Variants in KALRN observed in about 807,000 individuals in gnomAD.
The protein encoded by KALRN is kalirin RhoGEF kinase, also known as kalirin.
A neutral mutation model predicts 353.7 loss-of-function variants in KALRN; 70 were observed. The ratio of observed to expected loss-of-function variants is 0.20; its 90% CI spans 0.16 to 0.24. KALRN has a LOEUF of 0.24. KALRN is among the 10% of genes least tolerant of loss of function. The pLI, the probability that KALRN is intolerant of heterozygous loss-of-function variation, is 1.00. For missense variants in KALRN, 2,791 were observed against 3,756.7 expected (o/e 0.74, Z 6.72); for synonymous variants, 1,391 against 1,434.8 (o/e 0.97, Z 0.69).
intron 1 of KALRN, among the ~76,000 whole-genome samples, chr3:124,181,462 G>A (rs2073587773): frequency 6.6e-6 from 1 of 152,152 alleles, no homozygotes; most frequent in Non-Finnish European, 1.5e-5. Flanking sequence ...ATTAGAGGAT[G>A]AGGAGGTGAG....
intron 33 of KALRN, among the ~76,000 whole-genome samples, chr3:124,526,962 A>G (rs989861682): frequency 5.3e-5 from 8 of 152,256 alleles, no homozygotes; most frequent in African/African-American, 1.7e-4. Flanking sequence ...CAGGAAAAAG[A>G]AAACAACAAC....
chr3:124,088,426 C>G (rs927230042), intron 1 of KALRN, among the ~76,000 whole-genome samples: 2 of 152,156 alleles, frequency 1.3e-5, no homozygotes, highest in African/African-American at 4.8e-5. Context: ...CTCTAAGAAT[C>G]TGCCCCCTCC....
At chr3:124,296,278 C>T (rs770792773) in intron 5 of KALRN, among the ~76,000 whole-genome samples, 2 of 152,174 alleles carry the variant, frequency 1.3e-5, no homozygotes, top group Non-Finnish European at 2.9e-5. Flanking sequence ...CAATTTCCCA[C>T]CCAAGCTTCT....
chr3:124,120,550 A>G (rs2063876453), intron 1 of KALRN, among the ~76,000 whole-genome samples: 1 of 151,974 alleles, frequency 6.6e-6, no homozygotes, highest in African/African-American at 2.4e-5. Context: ...TAAATGTAGA[A>G]TAGGAACTCC....
chr3:124,217,753 G>C (rs2077484579), intron 1 of KALRN, among the ~76,000 whole-genome samples: 1 of 152,112 alleles, frequency 6.6e-6, no homozygotes, highest in African/African-American at 2.4e-5. Flanking sequence ...CCTGGCAGTG[G>C]GGAGAGGGTG....
At chr3:124,041,994 A>G (rs957010055) in intron 1 of KALRN, among the ~76,000 whole-genome samples, 7 of 152,226 alleles carry the variant, frequency 4.6e-5, no homozygotes, top group African/African-American at 1.7e-4. Context: ...GCTAGGGAAC[A>G]TGGAAGCAAC....
chr3:124,280,506 C>T (rs1364888270), intron 5 of KALRN, among the ~76,000 whole-genome samples: 3 of 152,140 alleles, frequency 2.0e-5, no homozygotes, highest in Admixed American at 6.6e-5. Flanking sequence ...TTTCGTTTGA[C>T]GTGGGCTCTA....
chr3:124,077,863 T>C (rs763879427), intron 1 of KALRN, among the ~76,000 whole-genome samples: 3 of 152,240 alleles, frequency 2.0e-5, no homozygotes, highest in Non-Finnish European at 4.4e-5. Flanking sequence ...AAGGCTGGCC[T>C]GGGTGTGCAT....
chr3:124,496,079 G>A (rs1281440623), intron 32 of KALRN, among the ~76,000 whole-genome samples: 1 of 144,150 alleles, frequency 6.9e-6, no homozygotes, highest in African/African-American at 2.6e-5. Flanking sequence ...GGGGAAGGGG[G>A]TCATTTTGCA....
At chr3:124,141,298 A>C (rs1308150250) in intron 1 of KALRN, among the ~76,000 whole-genome samples, 1 of 152,148 alleles carries the variant, frequency 6.6e-6, no homozygotes. Context: ...CTGGTCGAAG[A>C]TTAGAATCCT....
At chr3:124,338,579 G>A (rs746604836) in intron 9 of KALRN, among the ~76,000 whole-genome samples, 13 of 152,184 alleles carry the variant, frequency 8.5e-5, no homozygotes, top group Admixed American at 5.9e-4. Flanking sequence ...TTTAGAATAA[G>A]TGCGATGTGG....
At chr3:124,264,375 T>A in intron 3 of KALRN, 123 bp from the exon 4 acceptor site, 1 of 767,806 alleles carries the variant, frequency 1.3e-6, no homozygotes, top group Non-Finnish European at 2.1e-6. Context: ...CCAAGAGACC[T>A]GGCATGAAGT....
At chr3:124,194,227 G>A (rs2075216560) in intron 1 of KALRN, among the ~76,000 whole-genome samples, 1 of 152,214 alleles carries the variant, frequency 6.6e-6, no homozygotes, top group African/African-American at 2.4e-5. Flanking sequence ...GAGCAGAAGA[G>A]GGAGCGATCG....
At chr3:124,150,358 CT>C (rs900047836) in intron 1 of KALRN, among the ~76,000 whole-genome samples, 5 of 151,136 alleles carry the variant, frequency 3.3e-5, no homozygotes, top group Admixed American at 6.6e-5. Flanking sequence ...AGCAAATTTT[CT>C]TTTTTTTTCT....
chr3:124,660,485 C>T (rs1382588178), intron 43 of KALRN, among the ~76,000 whole-genome samples: 2 of 151,926 alleles, frequency 1.3e-5, no homozygotes, highest in African/African-American at 4.8e-5. Flanking sequence ...AGTTTGAGAC[C>T]AACCTGGCCA....
chr3:124,607,372 G>A (rs189930709), intron 34 of KALRN, among the ~76,000 whole-genome samples: 37 of 152,330 alleles, frequency 2.4e-4, no homozygotes, highest in African/African-American at 8.2e-4. Flanking sequence ...AATGAGCCAA[G>A]ATATATACTG....
At chr3:124,271,533 A>G (rs1237648198) in intron 5 of KALRN, among the ~76,000 whole-genome samples, 1 of 152,232 alleles carries the variant, frequency 6.6e-6, no homozygotes, top group African/African-American at 2.4e-5. Flanking sequence ...GATAATTACT[A>G]CTTTACAGTT....
chr3:124,590,576 A>G (rs2075674100), intron 34 of KALRN, among the ~76,000 whole-genome samples: 1 of 152,134 alleles, frequency 6.6e-6, no homozygotes, highest in Admixed American at 6.6e-5. Context: ...ATTCCTTTTA[A>G]GAATCTTCAT....
intron 59 of KALRN, among the ~76,000 whole-genome samples, chr3:124,717,665 T>C (rs888657411): frequency 2.6e-5 from 4 of 151,246 alleles, no homozygotes; most frequent in South Asian, 2.1e-4. Flanking sequence ...CACTGCACTG[T>C]AGCCTGGGCG....
Sources: gnomAD v4.1 joint callset for allele counts (sites outside exome capture counted in the v4.1 genomes callset) on GRCh38, gnomAD v4.1.1 for gene constraint, MANE v1.5 for transcripts, NCBI Gene and HGNC (gene_info 2026-07-23, HGNC 2026-07-21) for gene names.